The following DGKG variants were observed in gnomAD, a reference collection of about 807,000 sequenced individuals.
The protein encoded by DGKG is DAG kinase gamma.
A neutral mutation model predicts 105.3 loss-of-function variants in DGKG; 78 were observed. That is an observed-to-expected ratio of 0.74 (90% CI 0.62 to 0.89). The LOEUF (loss-of-function observed/expected upper bound fraction) is 0.89. Among genes scored for constraint, DGKG ranks in the 40% least tolerant of loss-of-function variants. The pLI is 0.00. For missense variants in DGKG, 958 were observed against 1,020.1 expected, an observed-to-expected ratio of 0.94 and a Z score of 0.83; for synonymous variants, 346 against 367.1, an observed-to-expected ratio of 0.94 and a Z score of 0.66.
rs1727241842 is a variant in DGKG, at chr3:186,361,763, C to T, written c.-249+183G>A. 6.6e-6 allele frequency among the ~76,000 whole-genome samples: 1 copy of T among 152,140 alleles called. No individual in the cohort carries two copies. Among genetic ancestry groups the T allele is most frequent in the Admixed American group, 6.5e-5 (1 of 15,290 alleles). On this transcript the variant is annotated intron_variant, in intron 1 of 24. Transcript: ENST00000265022. The surrounding 1 kb of genome is among the most constrained non-coding windows in gnomAD (Gnocchi z 6.8). ...GTTCCCCAAGCCTGCACCCCTCGAGCGGGGCATCCCTTCCTGCAGGGCTTT... is the reference window on the plus strand; with the variant it reads ...GTTCCCCAAGCCTGCACCCCTCGAGTGGGGCATCCCTTCCTGCAGGGCTTT...
chr3:186,320,275 C>A, intron 2 of DGKG, 118 bp downstream of exon 2: 1 of 1,190,562 alleles, frequency 8.4e-7, no homozygotes, highest in Non-Finnish European at 1.2e-6. Flanking sequence ...AAATATAAGC[C>A]GTCAGGCCTG....
At position 186,261,787 on chromosome 3, in the gene DGKG, G is replaced by A. The variant is rs1338640194; in HGVS notation, c.1270-9C>T. 28 of 1,578,288 alleles carry A rather than the reference G, an allele frequency of 1.8e-5. No homozygotes were observed. Among genetic ancestry groups the A allele is most frequent in the Non-Finnish European group, 2.4e-5 (28 of 1,158,528 alleles). On this transcript the variant is annotated splice_polypyrimidine_tract_variant and intron_variant, in intron 14 of 24. Coordinates refer to ENST00000265022, the MANE Select transcript of DGKG (RefSeq NM_001346.3). ...GTGGGGATGATCTTATACTTGAAAGGTAAAAGAAAAAGAAATTAGCTCTGC... is the reference window on the plus strand; with the variant it reads ...GTGGGGATGATCTTATACTTGAAAGATAAAAGAAAAAGAAATTAGCTCTGC...
At chr3:186,339,586 A>C (rs1725991573) in intron 1 of DGKG, among the ~76,000 whole-genome samples, 1 of 152,188 alleles carries the variant, frequency 6.6e-6, no homozygotes, top group Non-Finnish European at 1.5e-5. Context: ...GTTCAAACTA[A>C]TTAGGAATGT....
intron 24 of DGKG, among the ~76,000 whole-genome samples, chr3:186,155,107 C>T (rs4234592): frequency 0.65 from 99,454 of 152,028 alleles, 32,898 homozygotes; most frequent in East Asian, 0.93. Context: ...ACAAGTTTCC[C>T]GAATAAATAT....
At chr3:186,175,590 T>C (rs1311177525) in intron 22 of DGKG, among the ~76,000 whole-genome samples, 2 of 152,078 alleles carry the variant, frequency 1.3e-5, no homozygotes, top group Non-Finnish European at 2.9e-5. Flanking sequence ...GGAGCCTGCC[T>C]CTAAGAGAAG....
At chr3:186,158,131 T>C in intron 24 of DGKG, 8 of 653,210 alleles carry the variant, frequency 1.2e-5, no homozygotes, top group Non-Finnish European at 1.5e-5. Flanking sequence ...ACATTTGACA[T>C]ATTTTAAGAA....
In DGKG at chr3:186,218,497, C is replaced by T. The variant is rs867108241; in HGVS notation, c.1827-6612G>A. 8.6e-5 allele frequency among the ~76,000 whole-genome samples: 7 copies of T among 81,732 alleles called. No individual in the cohort carries two copies. In the East Asian group the frequency reaches 1.2e-3, roughly 14 times the overall value. 53.6% of individuals were successfully genotyped at this position (81,732 alleles called of 152,430 possible). A position where few individuals can be genotyped will look rare whatever the true frequency, so the allele number is the denominator to read the frequency against. On this transcript the variant is annotated intron_variant, in intron 20 of 24. Coordinates refer to ENST00000265022, the MANE Select transcript of DGKG (RefSeq NM_001346.3). ...CCAGCCTGGCGACAGAGCGAGACTC[C>T]GTCTGAAAAAAAAAAAAAAAAAAAA... is the stretch of plus-strand genomic sequence containing the variant.
chr3:186,350,748 A>C (rs1252651937), intron 1 of DGKG, among the ~76,000 whole-genome samples: 1 of 152,166 alleles, frequency 6.6e-6, no homozygotes, highest in Admixed American at 6.5e-5. Flanking sequence ...CCTTGCCAAC[A>C]CTTGTTATTT....
intron 1 of DGKG, among the ~76,000 whole-genome samples, chr3:186,354,432 C>G (rs1266471387): frequency 2.0e-5 from 3 of 152,232 alleles, no homozygotes; most frequent in Admixed American, 6.5e-5. Context: ...GCAGACGACA[C>G]TGTTTATTCC....
At chr3:186,214,625 T>A (rs1007530130) in intron 20 of DGKG, among the ~76,000 whole-genome samples, 3 of 152,244 alleles carry the variant, frequency 2.0e-5, no homozygotes, top group Admixed American at 6.5e-5. Flanking sequence ...TCCAGAGTCA[T>A]ACCATGCCCT....
At chr3:186,161,202 C>T in intron 24 of DGKG, 1 of 990,396 alleles carries the variant, frequency 1.0e-6, no homozygotes, top group Non-Finnish European at 1.2e-6. Flanking sequence ...GTAGATTTGG[C>T]TTCCACGTAA....
intron 14 of DGKG, among the ~76,000 whole-genome samples, chr3:186,264,701 G>A (rs901775165): frequency 5.3e-5 from 8 of 152,128 alleles, no homozygotes; most frequent in East Asian, 1.9e-4. Flanking sequence ...AGGAGGCCCC[G>A]GTTTTCTATT....
At chr3:186,196,454 C>T (rs754153528) in intron 21 of DGKG, among the ~76,000 whole-genome samples, 14 of 152,076 alleles carry the variant, frequency 9.2e-5, no homozygotes, top group African/African-American at 3.4e-4. Flanking sequence ...CTCTTCTCTG[C>T]ATCTGTAATC....
chr3:186,272,648 A>G (rs1176080009), intron 10 of DGKG, among the ~76,000 whole-genome samples: 1 of 152,246 alleles, frequency 6.6e-6, no homozygotes, highest in Non-Finnish European at 1.5e-5. Context: ...AGTGTGCGGC[A>G]TCATCCTCCT....
intron 17 of DGKG, 94 bp from the exon 18 acceptor site, chr3:186,253,276 T>C (rs932938572): frequency 2.8e-5 from 27 of 949,200 alleles, no homozygotes; most frequent in Non-Finnish European, 4.6e-5. Flanking sequence ...CTTGAACCCC[T>C]CCATAGCATT....
At chr3:186,221,559 G>C (rs140258842) in intron 20 of DGKG, among the ~76,000 whole-genome samples, 1 of 152,160 alleles carries the variant, frequency 6.6e-6, no homozygotes, top group Non-Finnish European at 1.5e-5. Context: ...GGGAAAAGGC[G>C]GACAGGAATG....
chr3:186,309,841 A>G (rs936254432), intron 2 of DGKG, among the ~76,000 whole-genome samples: 2 of 152,212 alleles, frequency 1.3e-5, no homozygotes, highest in Non-Finnish European at 2.9e-5. Context: ...CCTGCTTTAT[A>G]TTTAAATGTG....
chr3:186,272,502 G>A (rs1402990279), intron 10 of DGKG, among the ~76,000 whole-genome samples, 159 bp from the exon 11 acceptor site: 1 of 152,212 alleles, frequency 6.6e-6, no homozygotes, highest in Non-Finnish European at 1.5e-5. Context: ...ATTCAAAACA[G>A]TCTCTAATTG....
intron 22 of DGKG, among the ~76,000 whole-genome samples, chr3:186,178,338 G>A (rs568960030): frequency 6.6e-6 from 1 of 152,308 alleles, no homozygotes; most frequent in African/African-American, 2.4e-5. Flanking sequence ...AGCTTAGGTG[G>A]TGCCCAATAT....
Sources: gnomAD v4.1 joint callset for allele counts (sites outside exome capture counted in the v4.1 genomes callset) on GRCh38, gnomAD v4.1.1 for gene constraint, Gnocchi (gnomAD v3.1) non-coding constraint, MANE v1.5 for transcripts, NCBI Gene and HGNC (gene_info 2026-07-23, HGNC 2026-07-21) for gene names.